Variants in EXD2 observed in about 807,000 individuals in gnomAD.
EXD2 encodes exonuclease 3'-5' domain containing 2.
EXD2 carries 40 observed loss-of-function variants against 62.5 expected under a neutral mutation model. The observed-to-expected ratio is 0.64, with a 90% confidence interval of 0.50 to 0.83. The LOEUF is 0.83. Ranked by LOEUF, EXD2 falls within the 40% of genes least tolerant of loss-of-function variation. The pLI is 0.00. For synonymous variants in EXD2, 239 were observed against 291.9 expected (o/e 0.82, Z 1.85); for missense variants, 671 against 761.8 (o/e 0.88, Z 1.40).
intron 1 of EXD2, among the ~76,000 whole-genome samples, chr14:69,192,673 T>A (rs893050360): frequency 4.6e-5 from 7 of 152,244 alleles, no homozygotes; most frequent in Non-Finnish European, 2.9e-5. Flanking sequence ...TTGACAAGTA[T>A]GTGTACGTAT....
intron 3 of EXD2, among the ~76,000 whole-genome samples, chr14:69,211,215 A>T (rs986205353): frequency 2.0e-5 from 3 of 152,130 alleles, no homozygotes; most frequent in African/African-American, 7.2e-5. Context: ...TTTATGCAAT[A>T]TTCTAAATCT....
intron 3 of EXD2, among the ~76,000 whole-genome samples, chr14:69,220,518 A>G (rs567978173): frequency 7.0e-6 from 1 of 141,906 alleles, no homozygotes; most frequent in East Asian, 2.2e-4. Context: ...TCAGCCTCCC[A>G]AAGTGCTGGG....
intron 3 of EXD2, among the ~76,000 whole-genome samples, chr14:69,216,780 G>A (rs187942718): frequency 6.6e-6 from 1 of 151,884 alleles, no homozygotes; most frequent in Admixed American, 6.6e-5. Context: ...ATACATTGCG[G>A]GATAATTAAA....
In EXD2 at chr14:69,236,435, G is replaced by A. The variant is rs1470005264; in HGVS notation, c.1185G>A (p.Val395=). The change falls in exon 8 of 10, where the codon GTG becomes GTA. Residue 395 remains valine (V), a synonymous_variant. Coordinates refer to ENST00000685843, the MANE Select transcript of EXD2 (RefSeq NM_001193360.2). The stretch of plus-strand genomic sequence containing the variant: ...TGGTGAGTGAAGAGCCCTTTGTGGT[G>A]AAGCTACGGTTTGAACCTGCAGGAA... ...GELVSEEPFV[V]KLRFEPAGRP... is the part of the protein sequence containing the mutation. The A allele has an allele frequency of 1.2e-6, 2 of 1,614,150 alleles. No homozygotes were observed. Among genetic ancestry groups the A allele is most frequent in the South Asian group, 2.2e-5 (2 of 91,070 alleles).
At chr14:69,196,373 TAC>T (rs2042203967) in intron 1 of EXD2, among the ~76,000 whole-genome samples, 1 of 152,234 alleles carries the variant, frequency 6.6e-6, no homozygotes, top group East Asian at 1.9e-4. Context: ...ACTCATAACA[TAC>T]GGATATGCTA....
At chr14:69,221,068 C>A (rs780139334) in intron 3 of EXD2, among the ~76,000 whole-genome samples, 1 of 152,026 alleles carries the variant, frequency 6.6e-6, no homozygotes, top group South Asian at 2.1e-4. Context: ...GGAGTCTTGC[C>A]ATGTTGTCCA....
chr14:69,209,826 A>G, intron 3 of EXD2, 23 bp downstream of exon 3: 1 of 755,302 alleles, frequency 1.3e-6, no homozygotes, highest in South Asian at 3.7e-5. Flanking sequence ...GCAAAAGTTA[A>G]AAAAAAAAAA....
At chr14:69,203,761 AT>A (rs971138157) in intron 1 of EXD2, among the ~76,000 whole-genome samples, 155 bp from the exon 2 acceptor site, 9 of 152,300 alleles carry the variant, frequency 5.9e-5, no homozygotes, top group African/African-American at 1.7e-4. Context: ...TTTAACTCTG[AT>A]TTTTTGATTT....
chr14:69,200,307 A>G (rs1482378074), intron 1 of EXD2, among the ~76,000 whole-genome samples: 7 of 152,318 alleles, frequency 4.6e-5, no homozygotes, highest in Non-Finnish European at 1.5e-5. Flanking sequence ...GTTGAATTAC[A>G]GTTTCTATTT....
chr14:69,235,843 C>G, intron 6 of EXD2: 2 of 592,694 alleles, frequency 3.4e-6, no homozygotes, highest in South Asian at 3.8e-5. Context: ...GAGGCATAAA[C>G]TCATTCATTT....
At chr14:69,227,520 CA>C (rs1245466696) in intron 3 of EXD2, among the ~76,000 whole-genome samples, 3 of 152,156 alleles carry the variant, frequency 2.0e-5, no homozygotes, top group Non-Finnish European at 4.4e-5. Context: ...CCTTAGCTTT[CA>C]GCATTTTTTC....
intron 3 of EXD2, among the ~76,000 whole-genome samples, chr14:69,213,672 T>G (rs1044513042): frequency 1.3e-5 from 2 of 148,722 alleles, no homozygotes; most frequent in Admixed American, 1.4e-4. Flanking sequence ...TGTATTTACC[T>G]TTTTTTTTGT....
chr14:69,228,183 GCC>G (rs1491332553), intron 3 of EXD2, among the ~76,000 whole-genome samples: 3 of 120,942 alleles, frequency 2.5e-5, no homozygotes, highest in Non-Finnish European at 3.3e-5. Context: ...TTTTTCCTTA[GCC>G]TTTTTTTTTT....
chr14:69,220,257 T>TTTG (rs2043131353), intron 3 of EXD2, among the ~76,000 whole-genome samples: 1 of 30,080 alleles, frequency 3.3e-5, no homozygotes. Context: ...CTCTCTGTTT[T>TTTG]TTTTTTTTTT....
At chr14:69,205,042 C>T (rs1036256932) in intron 2 of EXD2, among the ~76,000 whole-genome samples, 2 of 152,174 alleles carry the variant, frequency 1.3e-5, no homozygotes. Flanking sequence ...TAAGTAACTG[C>T]TATGAACATT....
intron 8 of EXD2, among the ~76,000 whole-genome samples, chr14:69,237,304 G>A (rs2043828165): frequency 6.6e-6 from 1 of 152,198 alleles, no homozygotes; most frequent in African/African-American, 2.4e-5. Flanking sequence ...CCTTCTCAGA[G>A]GTTGTTATTA....
intron 1 of EXD2, chr14:69,191,899 C>T (rs1309612213): frequency 6.6e-6 from 1 of 152,328 alleles, no homozygotes; most frequent in Non-Finnish European, 1.5e-5. Flanking sequence ...CCCTTACCCT[C>T]TCCCTGGGAG....
intron 1 of EXD2, among the ~76,000 whole-genome samples, chr14:69,193,410 A>G (rs960954061): frequency 9.9e-5 from 15 of 152,168 alleles, no homozygotes; most frequent in East Asian, 5.8e-4. Context: ...GTTTTTGCCA[A>G]TCTGATGGAT....
At chr14:69,230,899 C>T (rs1233329713) in intron 5 of EXD2, among the ~76,000 whole-genome samples, 1 of 152,178 alleles carries the variant, frequency 6.6e-6, no homozygotes, top group African/African-American at 2.4e-5. Context: ...TCTCCTGCCT[C>T]AGCCTCCTGA....
Sources: gnomAD v4.1 joint callset for allele counts (sites outside exome capture counted in the v4.1 genomes callset) on GRCh38, gnomAD v4.1.1 for gene constraint, MANE v1.5 for transcripts, NCBI Gene and HGNC (gene_info 2026-07-23, HGNC 2026-07-21) for gene names.